The following CFAP44 variants were observed in gnomAD, a reference collection of about 807,000 sequenced individuals.
CFAP44 encodes cilia and flagella associated protein 44.
CFAP44 carries 134 observed loss-of-function variants against 216.2 expected under a neutral mutation model. That is an observed-to-expected ratio of 0.62 (90% CI 0.54 to 0.72). The LOEUF (loss-of-function observed/expected upper bound fraction) is 0.72, where lower values mean the gene tolerates loss of function less well. Ranked by LOEUF, CFAP44 falls within the 30% of genes least tolerant of loss-of-function variation. CFAP44 has a pLI of 0.00. For missense variants in CFAP44, 2,035 were observed against 2,182.1 expected (o/e 0.93, Z 1.34); for synonymous variants, 700 against 727.6 (o/e 0.96, Z 0.61).
chr3:113,441,414 A>C, intron 1 of CFAP44, 39 bp downstream of exon 1: 1 of 985,694 alleles, frequency 1.0e-6, no homozygotes, highest in Non-Finnish European at 1.2e-6. Flanking sequence ...TTTAAGGGGG[A>C]GGGTGTGGAA....
At chr3:113,401,857 T>C in intron 9 of CFAP44, 118 bp from the exon 10 acceptor site, 1 of 1,136,154 alleles carries the variant, frequency 8.8e-7, no homozygotes, top group Non-Finnish European at 1.2e-6. Context: ...TCATGAAAAG[T>C]AACAATGAAC....
chr3:113,408,863 CA>C (rs200920984), intron 7 of CFAP44, among the ~76,000 whole-genome samples: 5,062 of 66,326 alleles, frequency 0.076, 248 homozygotes, highest in African/African-American at 0.19. Flanking sequence ...AACTCCATTT[CA>C]AAAAAAAAAA....
rs781683003 is a variant in CFAP44, at chr3:113,433,697, T to A, written c.-5-28A>T. The A allele has an allele frequency of 2.6e-6, 4 of 1,514,984 alleles. No individual in the cohort carries two copies. The South Asian group carries it at 4.5e-5, about 17-fold the overall frequency. 93.8% of individuals were successfully genotyped at this position (1,514,984 alleles called of 1,614,324 possible). ...GTAAGTACAAAATGGGGATGAGATA[T>A]GGATAAAGCTGTAAAATTGAAACTA... On this transcript the variant is annotated intron_variant, in intron 1 of 34. Coordinates refer to ENST00000393845, the MANE Select transcript of CFAP44 (RefSeq NM_001164496.2).
At chr3:113,393,315 G>A (rs1033431988) in intron 15 of CFAP44, among the ~76,000 whole-genome samples, 35 of 152,238 alleles carry the variant, frequency 2.3e-4, no homozygotes, top group South Asian at 1.9e-3. Flanking sequence ...GGTCTTGTAC[G>A]TTACAGGATG....
At chr3:113,372,215 C>A (rs556580933) in intron 18 of CFAP44, among the ~76,000 whole-genome samples, 36 of 152,278 alleles carry the variant, frequency 2.4e-4, no homozygotes, top group East Asian at 2.1e-3. Context: ...TTGACCCAGC[C>A]ATCCCATTAC....
At chr3:113,345,832 C>G (rs1950376149) in intron 22 of CFAP44, among the ~76,000 whole-genome samples, 1 of 152,128 alleles carries the variant, frequency 6.6e-6, no homozygotes. Flanking sequence ...GTTTGCCTTT[C>G]TTACTATTTT....
intron 24 of CFAP44, among the ~76,000 whole-genome samples, chr3:113,339,419 C>T (rs1950310343): frequency 6.6e-6 from 1 of 152,128 alleles, no homozygotes; most frequent in African/African-American, 2.4e-5. Context: ...ACCCCTTATC[C>T]CTGAGCTGGC....
At chr3:113,396,859 T>A in intron 13 of CFAP44, 132 bp from the exon 14 acceptor site, 1 of 846,246 alleles carries the variant, frequency 1.2e-6, no homozygotes, top group Non-Finnish European at 1.8e-6. Context: ...TATCACTTTC[T>A]GGTAACCTCT....
chr3:113,401,105 G>A, intron 11 of CFAP44, 135 bp downstream of exon 11: 1 of 697,062 alleles, frequency 1.4e-6, no homozygotes, highest in Non-Finnish European at 2.4e-6. Flanking sequence ...GAATTCTCAA[G>A]AGTAGCACAT....
At chr3:113,332,559 T>A (rs560241707) in intron 25 of CFAP44, among the ~76,000 whole-genome samples, 6 of 152,236 alleles carry the variant, frequency 3.9e-5, no homozygotes, top group African/African-American at 1.4e-4. Flanking sequence ...TAGGTTACGA[T>A]GTATCGAGTT....
intron 25 of CFAP44, among the ~76,000 whole-genome samples, chr3:113,332,252 T>G (rs958078720): frequency 6.6e-6 from 1 of 152,120 alleles, no homozygotes; most frequent in African/African-American, 2.4e-5. Context: ...GAAGAACAAC[T>G]AGGAAAACAA....
chr3:113,318,478 G>A (rs2107802179), intron 28 of CFAP44, among the ~76,000 whole-genome samples: 2 of 152,278 alleles, frequency 1.3e-5, no homozygotes, highest in Middle Eastern at 3.4e-3. Flanking sequence ...GAAAGAAGGA[G>A]AATAAGCAAC....
rs1934770716 is a variant in CFAP44 at position 113,420,059 on chromosome 3, G to A, written c.528C>T (p.Ile176=). The part of the protein sequence containing the change: ...IFLNLKTKEQ[I]YLRSSSGEGI... The stretch of plus-strand genomic sequence containing the variant: ...CTTCACCACTGCTACTTCGCAGGTA[G>A]ATCTGTTCCTTGGTTTTCAAATTCA... Residue 176 remains isoleucine, a synonymous_variant, in exon 5 of 35, where the codon ATC becomes ATT. Coordinates refer to ENST00000393845, the MANE Select transcript of CFAP44 (RefSeq NM_001164496.2). 4 of 1,613,882 alleles carry A rather than the reference G, an allele frequency of 2.5e-6. No individual in the cohort carries two copies. The African/African-American group carries it at 5.3e-5, about 22-fold the overall frequency.
intron 32 of CFAP44, among the ~76,000 whole-genome samples, chr3:113,303,046 A>G (rs1949953546): frequency 6.6e-6 from 1 of 152,224 alleles, no homozygotes; most frequent in African/African-American, 2.4e-5. Context: ...GTAATTTAAC[A>G]TCTCACAGGC....
intron 18 of CFAP44, among the ~76,000 whole-genome samples, chr3:113,368,754 T>A (rs59275119): frequency 0.025 from 3,817 of 152,286 alleles, 59 homozygotes; most frequent in East Asian, 0.052. Flanking sequence ...TAACCTTAAA[T>A]GTAAATGGGC....
chr3:113,401,772 T>C (rs1934149314), intron 9 of CFAP44, 33 bp from the exon 10 acceptor site: 1 of 1,553,190 alleles, frequency 6.4e-7, no homozygotes, highest in Non-Finnish European at 8.7e-7. Context: ...CTTTAATCGA[T>C]CAGTAGTTTC....
At chr3:113,434,240 T>C (rs546434992) in intron 1 of CFAP44, among the ~76,000 whole-genome samples, 17 of 152,248 alleles carry the variant, frequency 1.1e-4, no homozygotes, top group African/African-American at 3.9e-4. Flanking sequence ...TGTGGGCATG[T>C]ATAGCAAGAA....
chr3:113,322,671 T>C (rs950325409), intron 28 of CFAP44, among the ~76,000 whole-genome samples: 1 of 152,226 alleles, frequency 6.6e-6, no homozygotes, highest in Non-Finnish European at 1.5e-5. Context: ...GAAAGCAGTT[T>C]GGAGATTTCT....
intron 25 of CFAP44, among the ~76,000 whole-genome samples, chr3:113,331,026 A>G (rs7429847): frequency 0.1 from 15,538 of 152,126 alleles, 1,123 homozygotes; most frequent in African/African-American, 0.2. Flanking sequence ...GGAGGAAGGG[A>G]AAGGCAATTA....
Sources: gnomAD v4.1 joint callset for allele counts (sites outside exome capture counted in the v4.1 genomes callset) on GRCh38, gnomAD v4.1.1 for gene constraint, MANE v1.5 for transcripts, NCBI Gene and HGNC (gene_info 2026-07-23, HGNC 2026-07-21) for gene names.